The following MAST3 variants were observed in gnomAD, a reference collection of about 807,000 sequenced individuals.
The protein encoded by MAST3 is microtubule associated serine/threonine kinase 3.
A neutral mutation model predicts 127.0 loss-of-function variants in MAST3; 43 were observed. That is an observed-to-expected ratio of 0.34 (90% CI 0.27 to 0.44). MAST3 has a LOEUF of 0.44. Among genes scored for constraint, MAST3 ranks in the 20% least tolerant of loss-of-function variants. The pLI, the probability that MAST3 is intolerant of heterozygous loss-of-function variation, is 1.00. For synonymous variants in MAST3, 785 were observed against 809.2 expected (o/e 0.97, Z 0.51); for missense variants, 1,390 against 1,919.1 (o/e 0.72, Z 5.15).
rs1253335243 is a variant in MAST3 at position 18,107,601 on chromosome 19, G to T, written c.54G>T (p.Leu18=). Residue 18 remains leucine (L), a synonymous_variant, in exon 2 of 28, where the codon CTG becomes CTT. Coordinates refer to ENST00000687212, the MANE Select transcript of MAST3 (RefSeq NM_001393504.1). ...TCTCATTGCAGAAGGAGCTGAGCCT[G>T]CCACGCCGAGGACGTGGGTGAGTTC... ...RRRGLQKELS[L]PRRGRGLSPS... 1.1e-5 allele frequency: 17 copies of T among 1,612,842 alleles called. No individual in the cohort carries two copies. Among genetic ancestry groups the T allele is most frequent in the Non-Finnish European group, 1.4e-5 (16 of 1,179,460 alleles).
chr19:18,105,639 C>CTCCA (rs1169109146), intron 1 of MAST3, among the ~76,000 whole-genome samples: 1 of 151,660 alleles, frequency 6.6e-6, no homozygotes, highest in Non-Finnish European at 1.5e-5. Context: ...TGTCATTGCA[C>CTCCA]TCCAGCCTGG....
chr19:18,114,024 C>T (rs2038951668), intron 3 of MAST3, among the ~76,000 whole-genome samples: 1 of 152,190 alleles, frequency 6.6e-6, no homozygotes, highest in Non-Finnish European at 1.5e-5. Context: ...CCCCACTGCC[C>T]AGAGCTCTGT....
intron 1 of MAST3, among the ~76,000 whole-genome samples, chr19:18,106,069 T>A (rs1397494078): frequency 6.6e-6 from 1 of 152,014 alleles, no homozygotes; most frequent in East Asian, 2.0e-4. Context: ...TACAACTAAT[T>A]GGTAATTTTA....
At chr19:18,119,251 G>A (rs556413804) in intron 3 of MAST3, among the ~76,000 whole-genome samples, 1 of 152,292 alleles carries the variant, frequency 6.6e-6, no homozygotes, top group African/African-American at 2.4e-5. Context: ...GGAGGGCAAC[G>A]AAGTGTTTTT....
chr19:18,112,199 G>C lies in MAST3; in HGVS notation c.161+1458G>C, dbSNP rs949553544. 1.3e-5 allele frequency among the ~76,000 whole-genome samples: 2 copies of C among 152,194 alleles called. No homozygotes were observed. Among genetic ancestry groups the C allele is most frequent in the Non-Finnish European group, 2.9e-5 (2 of 68,038 alleles). Reference sequence around the variant, plus strand: ...TTGTTTTTTGAGACAGTCTCACTTTGTCGCCCAGGTTGGACTGCAGTGGCA... The same window carrying C: ...TTGTTTTTTGAGACAGTCTCACTTTCTCGCCCAGGTTGGACTGCAGTGGCA... On this transcript the variant is annotated intron_variant, in intron 3 of 27. Transcript: ENST00000687212. The surrounding 1 kb of genome is among the most constrained non-coding windows in gnomAD (Gnocchi z 4.1).
chr19:18,132,699 G>A (rs1400130334), intron 15 of MAST3, among the ~76,000 whole-genome samples: 1 of 152,224 alleles, frequency 6.6e-6, no homozygotes, highest in Non-Finnish European at 1.5e-5. Flanking sequence ...TTGAGCGCCT[G>A]CTGTGTGCAG....
chr19:18,136,844 A>G (rs2041942827), intron 18 of MAST3, among the ~76,000 whole-genome samples: 1 of 151,610 alleles, frequency 6.6e-6, no homozygotes, highest in Admixed American at 6.6e-5. Context: ...TTTGAGACAG[A>G]GTCTTGCTTT....
rs56347763 is a variant in MAST3 at position 18,104,179 on chromosome 19, C to CAAAAAAAAAAAAAAAAAA, written c.40-3385_40-3368dup. On this transcript the variant is annotated intron_variant, in intron 1 of 27. Transcript: ENST00000687212. ...TGGGCGACATAGCCAGACGCTGTCTCAAAAAAAAAAAAAAAAAAAAAAAAA... is the reference window on the plus strand; with the variant it reads ...TGGGCGACATAGCCAGACGCTGTCTCAAAAAAAAAAAAAAAAAAAAAAAAAAAAAAAAAAAAAAAAAAA... 4.6e-5 allele frequency among the ~76,000 whole-genome samples: 2 copies of CAAAAAAAAAAAAAAAAAA among 43,484 alleles called. 1 individual carries two copies. The highest frequency in any genetic ancestry group is 2.3e-4 in the African/African-American group (2 of 8,858). The allele number at this position is 43,484 out of a possible 152,430, so 28.5% of individuals were successfully genotyped here. A position where few individuals can be genotyped will look rare whatever the true frequency, so the allele number is the denominator to read the frequency against.
rs377246822 is a variant in MAST3 at position 18,123,316 on chromosome 19, G to A, written c.499G>A (p.Val167Met). ...LSKHFRSSEN[V>M]LDEEGGRSPR... is the part of the protein sequence containing the mutation. ...CAAGCACTTCCGCAGCTCAGAGAAT[G>A]TGCTTGATGAGGAAGGCGGCCGGTC... is the stretch of plus-strand genomic sequence containing the variant. Residue 167 changes from valine (V) to methionine (M), a missense_variant, in exon 7 of 28, where the codon GTG becomes ATG. By Grantham distance (21) the Val-to-Met change is conservative. This residue lies in a region of MAST3 where 277 missense variants were observed against 384.8 expected (regional missense o/e 0.72). Transcript: ENST00000687212. 22 of 1,613,682 alleles carry A rather than the reference G, an allele frequency of 1.4e-5. No homozygotes were observed. Among genetic ancestry groups the A allele is most frequent in the Non-Finnish European group, 1.9e-5 (22 of 1,179,890 alleles).
At chr19:18,141,666 C>A (rs1331814459) in intron 20 of MAST3, among the ~76,000 whole-genome samples, 2 of 151,668 alleles carry the variant, frequency 1.3e-5, no homozygotes, top group Non-Finnish European at 2.9e-5. Flanking sequence ...AGTCACCAGG[C>A]CTGGTCTAAG....
At position 18,146,964 on chromosome 19, in the gene MAST3, G is replaced by C; in HGVS notation, c.3246G>C (p.Lys1082Asn). ...KVGPARKNVA[K>N]GRMARRSKRS... is the part of the protein sequence containing the mutation. Reference sequence around the variant, plus strand: ...GCCCCGCCCGGAAGAATGTGGCCAAGGGCCGCATGGCACGCAGGAGCAAGA... The same window carrying C: ...GCCCCGCCCGGAAGAATGTGGCCAACGGCCGCATGGCACGCAGGAGCAAGA... Residue 1082 changes from lysine (K) to asparagine (N), a missense_variant, in exon 26 of 28, where the codon AAG (lysine) becomes AAC (asparagine). Around this residue, in one of 5 missense-constraint regions of MAST3, gnomAD observed 816 missense variants for 934.1 expected, o/e 0.87. Coordinates refer to ENST00000687212, the MANE Select transcript of MAST3 (RefSeq NM_001393504.1). 1 of 1,563,556 alleles carries C rather than the reference G, an allele frequency of 6.4e-7. No individual in the cohort carries two copies. Among genetic ancestry groups the C allele is most frequent in the Non-Finnish European group, 8.7e-7 (1 of 1,153,986 alleles).
chr19:18,117,684 A>G (rs890918444), intron 3 of MAST3, among the ~76,000 whole-genome samples: 1 of 152,214 alleles, frequency 6.6e-6, no homozygotes, highest in African/African-American at 2.4e-5. Context: ...AGAAGGGGTC[A>G]GTGCTCTGGG....
Position 18,144,558 on chromosome 19 carries a change from CGCCGCCTTGGGGG to C in MAST3, c.2678_2690del (p.Arg893ProfsTer50). 6.2e-7 allele frequency: 1 copy of C among 1,609,908 alleles called. No homozygotes were observed. On this transcript the variant is annotated frameshift_variant, in exon 23 of 28. Transcript: ENST00000687212. LOFTEE classifies it high-confidence loss of function. The surrounding 1 kb of genome is among the most constrained non-coding windows in gnomAD (Gnocchi z 4.0). The stretch of plus-strand genomic sequence containing the variant: ...AAGGCCTCTGGATGCCGGCCGGGGC[CGCCGCCTTGGGGG>C]CCCAAGAGACCCAGCCCCTGAGAAG...
chr19:18,119,610 G>A (rs974632497), intron 3 of MAST3, among the ~76,000 whole-genome samples: 4 of 152,214 alleles, frequency 2.6e-5, no homozygotes, highest in African/African-American at 7.2e-5. Context: ...CCCTCCCGGC[G>A]TGAGCCAGGC....
intron 2 of MAST3, among the ~76,000 whole-genome samples, chr19:18,108,976 A>G (rs1416068022): frequency 6.6e-6 from 1 of 152,200 alleles, no homozygotes; most frequent in Non-Finnish European, 1.5e-5. Context: ...GAGCTCAACC[A>G]GAGAAAGAGA....
intron 10 of MAST3, 84 bp downstream of exon 10, chr19:18,124,450 C>A: frequency 7.1e-7 from 1 of 1,403,874 alleles, no homozygotes; most frequent in Non-Finnish European, 9.8e-7. Context: ...ATACAGGTGA[C>A]AGTTCCCATC....
intron 14 of MAST3, 82 bp from the exon 15 acceptor site, chr19:18,131,827 C>T: frequency 6.9e-7 from 1 of 1,454,208 alleles, no homozygotes; most frequent in Non-Finnish European, 9.3e-7. Context: ...GAGGAGGATG[C>T]ATAGGCATTG....
Position 18,139,222 on chromosome 19 carries a change from G to A in MAST3, c.2205+98G>A. The A allele has an allele frequency of 4.3e-6, 4 of 919,948 alleles. 1 individual carries two copies. In the South Asian group the frequency reaches 5.8e-5, roughly 13 times the overall value. The allele number at this position is 919,948 out of a possible 1,614,324, so 57.0% of individuals were successfully genotyped here. The stretch of plus-strand genomic sequence containing the variant: ...TTTTGATTTTGCTTTGTTTTGTTCT[G>A]TAGAGATGAGGTCTTGCTATGCTGC... On this transcript the variant is annotated intron_variant, in intron 20 of 27. Transcript: ENST00000687212.
chr19:18,097,781 G>T lies in MAST3; in HGVS notation c.-12G>T. 1 of 1,216,968 alleles carries T rather than the reference G, an allele frequency of 8.2e-7. No homozygotes were observed. The highest frequency in any genetic ancestry group is 3.3e-5 in the East Asian group (1 of 30,492). The allele number at this position is 1,216,968 out of a possible 1,614,324, so 75.4% of individuals were successfully genotyped here. A position where few individuals can be genotyped will look rare whatever the true frequency, so the allele number is the denominator to read the frequency against. On this transcript the variant is annotated 5_prime_UTR_variant, in exon 1 of 28. Coordinates refer to ENST00000687212, the MANE Select transcript of MAST3 (RefSeq NM_001393504.1). ...GGCCGGGGGCGGGCCTGGCGGCGCGGACTCCCGGGCCATGGACGAGTCGAG... is the reference window on the plus strand; with the variant it reads ...GGCCGGGGGCGGGCCTGGCGGCGCGTACTCCCGGGCCATGGACGAGTCGAG...
Sources: allele counts gnomAD v4.1 joint callset (sites outside exome capture counted in the v4.1 genomes callset), GRCh38; gene constraint gnomAD v4.1.1; regional missense constraint gnomAD v4.1.1; non-coding constraint Gnocchi (gnomAD v3.1); transcripts MANE v1.5; gene names NCBI Gene and HGNC (gene_info 2026-07-23, HGNC 2026-07-21).